PRUNE2: variants seen among roughly 807,000 people sequenced by gnomAD.
The protein encoded by PRUNE2 is protein prune homolog 2.
PRUNE2 carries 164 observed loss-of-function variants against 252.0 expected under a neutral mutation model. The observed-to-expected ratio is 0.65, with a 90% CI of 0.57 to 0.74. The LOEUF is 0.74. PRUNE2 is among the 30% of genes least tolerant of loss of function. PRUNE2 has a pLI of 0.00. For missense variants in PRUNE2, 3,495 were observed against 3,711.0 expected (o/e 0.94, Z 1.51); for synonymous variants, 1,292 against 1,350.2 (o/e 0.96, Z 0.94).
intron 6 of PRUNE2, chr9:76,787,245 C>T (rs1427788593): frequency 6.6e-6 from 1 of 151,440 alleles, no homozygotes. Flanking sequence ...TCTTTTATCA[C>T]CAAAGTGGCT....
intron 9 of PRUNE2, among the ~76,000 whole-genome samples, chr9:76,687,064 T>C (rs2044175109): frequency 6.6e-6 from 1 of 152,198 alleles, no homozygotes; most frequent in Non-Finnish European, 1.5e-5. Flanking sequence ...TGATTACATC[T>C]GAACTTAGTC....
chr9:76,628,544 G>C (rs1409138154), intron 16 of PRUNE2, among the ~76,000 whole-genome samples: 1 of 145,482 alleles, frequency 6.9e-6, no homozygotes, highest in African/African-American at 2.5e-5. Flanking sequence ...TCTTGTGTCT[G>C]TGCAGAGTGG....
Position 76,709,164 on chromosome 9 carries a change from T to C in PRUNE2, c.3110A>G (p.His1037Arg), listed in dbSNP as rs1416051527. The C allele has an allele frequency of 6.2e-7, 1 of 1,613,900 alleles. No individual in the cohort carries two copies. Among genetic ancestry groups the C allele is most frequent in the South Asian group, 1.1e-5 (1 of 91,082 alleles). Residue 1037 changes from histidine to arginine, a missense_variant, in exon 8 of 19, where the codon CAT becomes CGT. By Grantham distance (29) the His-to-Arg change is conservative. Coordinates refer to ENST00000376718, the MANE Select transcript of PRUNE2 (RefSeq NM_015225.3). Reference protein sequence around the residue: ...PGNLDMWASPHTDNSSEINTT... With the variant: ...PGNLDMWASPRTDNSSEINTT... ...ATTTATTTCAGAACTGTTATCTGTA[T>C]GAGGTGAAGCCCACATGTCTAGGTT...
chr9:76,848,354 C>T (rs985284350), intron 3 of PRUNE2, among the ~76,000 whole-genome samples: 2 of 152,164 alleles, frequency 1.3e-5, no homozygotes, highest in African/African-American at 4.8e-5. Flanking sequence ...AAATAAACTA[C>T]CCGGAACTTT....
chr9:76,727,710 C>CTTTTTTTTTT (rs373565657), intron 6 of PRUNE2, among the ~76,000 whole-genome samples: 2 of 42,902 alleles, frequency 4.7e-5, no homozygotes, highest in African/African-American at 9.8e-5. Flanking sequence ...GTAAACAGGG[C>CTTTTTTTTTT]TTTTTTTTTT....
chr9:76,820,751 G>C (rs1247489657), intron 6 of PRUNE2, among the ~76,000 whole-genome samples: 1 of 152,096 alleles, frequency 6.6e-6, no homozygotes, highest in Admixed American at 6.6e-5. Flanking sequence ...TTTTTCATCT[G>C]CTTGATGTTA....
intron 6 of PRUNE2, among the ~76,000 whole-genome samples, chr9:76,816,980 C>T (rs1354821544): frequency 2.6e-5 from 4 of 152,106 alleles, no homozygotes; most frequent in Admixed American, 1.3e-4. Context: ...CTGTATCAGG[C>T]ACCAATAATT....
chr9:76,842,840 G>A (rs2059464911), intron 4 of PRUNE2, among the ~76,000 whole-genome samples: 1 of 152,198 alleles, frequency 6.6e-6, no homozygotes, highest in African/African-American at 2.4e-5. Context: ...ATGCTGGAGG[G>A]GATGTGGAGA....
intron 11 of PRUNE2, chr9:76,652,244 G>C (rs1361510478): frequency 1.0e-5 from 4 of 400,240 alleles, no homozygotes; most frequent in African/African-American, 6.1e-5. Flanking sequence ...CCAGTGCCTA[G>C]CATAAATGCT....
intron 15 of PRUNE2, among the ~76,000 whole-genome samples, chr9:76,630,822 G>A (rs773976277): frequency 1.1e-4 from 16 of 152,176 alleles, no homozygotes; most frequent in East Asian, 3.8e-4. Flanking sequence ...CTCTGCACCC[G>A]GCCTGCATTT....
intron 9 of PRUNE2, among the ~76,000 whole-genome samples, chr9:76,690,890 A>T (rs1467833246): frequency 6.6e-6 from 1 of 152,110 alleles, no homozygotes; most frequent in East Asian, 1.9e-4. Flanking sequence ...AAAATGTTTA[A>T]TTTGCCCATA....
chr9:76,905,304 C>T lies in PRUNE2; in HGVS notation c.36+624G>A, dbSNP rs117354263. On this transcript the variant is annotated intron_variant, in intron 1 of 18. Transcript: ENST00000376718. ...ACACACAGGTCTGCTCCCGGGAGAACGATGATCTGGTAAACTCCAGAACAC... is the reference window on the plus strand; with the variant it reads ...ACACACAGGTCTGCTCCCGGGAGAATGATGATCTGGTAAACTCCAGAACAC... 3.9e-3 allele frequency among the ~76,000 whole-genome samples: 590 copies of T among 152,262 alleles called. 2 individuals are homozygous for T. The highest frequency in any genetic ancestry group is 4.4e-3 in the Non-Finnish European group (301 of 68,024).
chr9:76,893,677 A>G (rs1242305145), intron 1 of PRUNE2, among the ~76,000 whole-genome samples: 1 of 152,254 alleles, frequency 6.6e-6, no homozygotes, highest in Admixed American at 6.5e-5. Context: ...AAAGAATTCC[A>G]CAGAAGTGAG....
chr9:76,861,111 T>C (rs1428318218), intron 1 of PRUNE2, among the ~76,000 whole-genome samples: 1 of 152,102 alleles, frequency 6.6e-6, no homozygotes, highest in African/African-American at 2.4e-5. Context: ...GGGCAGCAGA[T>C]GGTACCATGG....
At chr9:76,700,958 C>T (rs898181309) in intron 9 of PRUNE2, among the ~76,000 whole-genome samples, 1 of 152,348 alleles carries the variant, frequency 6.6e-6, no homozygotes, top group South Asian at 2.1e-4. Flanking sequence ...TGGGCATTGA[C>T]TAGCTTGACT....
intron 6 of PRUNE2, among the ~76,000 whole-genome samples, chr9:76,781,478 C>A (rs1202800721): frequency 6.6e-6 from 1 of 152,220 alleles, no homozygotes; most frequent in Non-Finnish European, 1.5e-5. Context: ...TGCTCTTACC[C>A]CTAGTCCTTT....
Position 76,654,127 on chromosome 9 carries a change from A to C in PRUNE2, c.8356+1296T>G, listed in dbSNP as rs150702947. On this transcript the variant is annotated intron_variant, in intron 10 of 18. Coordinates refer to ENST00000376718, the MANE Select transcript of PRUNE2 (RefSeq NM_015225.3). ...TTGCTTGGTGTGTGGCAAACAAAAC[A>C]AAACAAAACCCTACACATCTGGTCA... is the stretch of plus-strand genomic sequence containing the variant. Among the ~76,000 whole-genome samples, 1,374 of 152,334 alleles carry C rather than the reference A, an allele frequency of 9.0e-3. 3 individuals are homozygous for C. The highest frequency in any genetic ancestry group is 0.013 in the Non-Finnish European group (868 of 68,026).
chr9:76,838,597 A>G (rs934121691), intron 4 of PRUNE2, among the ~76,000 whole-genome samples: 1 of 140,896 alleles, frequency 7.1e-6, no homozygotes, highest in African/African-American at 2.6e-5. Flanking sequence ...GTGAGCTGAG[A>G]TTGCGCCATT....
At chr9:76,791,788 G>C (rs1156547230) in intron 6 of PRUNE2, among the ~76,000 whole-genome samples, 3 of 152,200 alleles carry the variant, frequency 2.0e-5, no homozygotes, top group African/African-American at 7.2e-5. Flanking sequence ...AATAGATAAA[G>C]AGCCAGACTA....
Sources: gnomAD v4.1 joint callset for allele counts (sites outside exome capture counted in the v4.1 genomes callset) on GRCh38, gnomAD v4.1.1 for gene constraint, MANE v1.5 for transcripts, NCBI Gene and HGNC (gene_info 2026-07-23, HGNC 2026-07-21) for gene names.